ZBTB38: variants seen among roughly 807,000 people sequenced by gnomAD.
ZBTB38 encodes zinc finger and BTB domain-containing protein 38.
In ZBTB38, 20 loss-of-function variants were observed where a neutral mutation model predicts 76.8. That is an observed-to-expected ratio of 0.26 (90% CI 0.18 to 0.38). The LOEUF is 0.38. Ranked by LOEUF, ZBTB38 falls within the 10% of genes least tolerant of loss-of-function variation. ZBTB38 has a pLI of 1.00. For missense variants in ZBTB38, 1,082 were observed against 1,482.3 expected, an observed-to-expected ratio of 0.73 and a Z score of 4.43; for synonymous variants, 504 against 544.2, an observed-to-expected ratio of 0.93 and a Z score of 1.03.
At chr3:141,367,116 A>G (rs890187611), upstream of ZBTB38, 1 of 151,852 alleles carries the variant, frequency 6.6e-6, no homozygotes, top group African/African-American at 2.4e-5. Flanking sequence ...CACAGTTCCA[A>G]CTCTTTCTGA....
intron 5 of ZBTB38, among the ~76,000 whole-genome samples, chr3:141,431,088 C>A (rs1035310268): frequency 4.0e-5 from 6 of 151,676 alleles, no homozygotes; most frequent in Admixed American, 3.9e-4. Flanking sequence ...TTTGGGAGGC[C>A]GAGGCAGGAG....
intron 4 of ZBTB38, chr3:141,392,784 CA>C (rs1328505445): frequency 2.6e-5 from 4 of 152,168 alleles, no homozygotes; most frequent in African/African-American, 9.7e-5. Flanking sequence ...GTGATGTAGG[CA>C]AGATGTTTTT....
chr3:141,327,047 G>A (rs930954113), intron 1 of ZBTB38, among the ~76,000 whole-genome samples: 1 of 152,160 alleles, frequency 6.6e-6, no homozygotes, highest in African/African-American at 2.4e-5. Context: ...GATACATTTA[G>A]AAATATTAAG....
intron 4 of ZBTB38, among the ~76,000 whole-genome samples, chr3:141,390,671 C>T (rs1218948346): frequency 6.6e-6 from 1 of 152,190 alleles, no homozygotes; most frequent in African/African-American, 2.4e-5. Context: ...TTCATTCTAA[C>T]AGCTCCTTTC....
chr3:141,334,286 C>G (rs1942942487), intron 1 of ZBTB38, among the ~76,000 whole-genome samples: 1 of 151,430 alleles, frequency 6.6e-6, no homozygotes, highest in African/African-American at 2.4e-5. Context: ...CAGGGAAATG[C>G]AGGTTCTCTC....
At chr3:141,426,260 T>G in intron 5 of ZBTB38, 1 of 1,149,982 alleles carries the variant, frequency 8.7e-7, no homozygotes, top group South Asian at 1.3e-5. Flanking sequence ...AAAGCACACC[T>G]GCCCAGACCC....
At chr3:141,326,451 A>G (rs1942677545) in intron 1 of ZBTB38, among the ~76,000 whole-genome samples, 1 of 152,176 alleles carries the variant, frequency 6.6e-6, no homozygotes, top group African/African-American at 2.4e-5. Flanking sequence ...ACTGGAGGGA[A>G]CAAAAGCAGG....
At chr3:141,370,324 A>T (rs572667882) in intron 2 of ZBTB38, among the ~76,000 whole-genome samples, 1 of 152,300 alleles carries the variant, frequency 6.6e-6, no homozygotes, top group African/African-American at 2.4e-5. Context: ...TGCACATGGG[A>T]GTTTTTTATG....
chr3:141,416,271 A>G (rs772292964), intron 5 of ZBTB38, among the ~76,000 whole-genome samples: 2 of 152,222 alleles, frequency 1.3e-5, no homozygotes, highest in Non-Finnish European at 2.9e-5. Flanking sequence ...AAGCCTTTTC[A>G]GCCCTTCCAA....
chr3:141,337,366 C>G (rs1344229026), intron 1 of ZBTB38, among the ~76,000 whole-genome samples: 1 of 152,206 alleles, frequency 6.6e-6, no homozygotes, highest in Non-Finnish European at 1.5e-5. Context: ...TAGCAAAGAG[C>G]TGCAAAGGAA....
rs2080839127 is a variant in ZBTB38 at position 141,444,590 on chromosome 3, T to C, written c.2202T>C (p.Ala734=). The change falls in exon 6 of 6, where the codon GCT becomes GCC. Residue 734 remains alanine, a synonymous_variant. Coordinates refer to ENST00000321464, the MANE Select transcript of ZBTB38 (RefSeq NM_001376113.1). The surrounding 1 kb of genome is among the most constrained non-coding windows in gnomAD (Gnocchi z 5.1). Reference sequence around the variant, plus strand: ...TGATCATGCACAGCAATGCCATTGCTGCCATGACCAGCAGCAACCACAGAG... The same window carrying C: ...TGATCATGCACAGCAATGCCATTGCCGCCATGACCAGCAGCAACCACAGAG... The part of the protein sequence containing the change: ...SSVIMHSNAI[A]AMTSSNHRAF... The C allele has an allele frequency of 6.2e-7, 1 of 1,614,050 alleles. No individual in the cohort carries two copies. Among genetic ancestry groups the C allele is most frequent in the African/African-American group, 1.3e-5 (1 of 74,916 alleles).
intron 5 of ZBTB38, chr3:141,432,131 T>C: frequency 1.0e-6 from 1 of 985,478 alleles, no homozygotes. Flanking sequence ...AAAATATCCT[T>C]TGTCGGAAAA....
chr3:141,436,733 A>G (rs1446757861), intron 5 of ZBTB38, among the ~76,000 whole-genome samples: 3 of 152,160 alleles, frequency 2.0e-5, no homozygotes, highest in African/African-American at 7.2e-5. Flanking sequence ...CCTGACCTCA[A>G]GTGATCCACC....
chr3:141,344,727 T>C (rs1943293990), intron 1 of ZBTB38, among the ~76,000 whole-genome samples: 1 of 152,222 alleles, frequency 6.6e-6, no homozygotes, highest in South Asian at 2.1e-4. Flanking sequence ...TTCATAGTCA[T>C]GTCTCTCTCT....
At chr3:141,372,517 T>G (rs1436212890) in intron 2 of ZBTB38, among the ~76,000 whole-genome samples, 1 of 151,644 alleles carries the variant, frequency 6.6e-6, no homozygotes, top group African/African-American at 2.4e-5. Context: ...CCGAGCAGGG[T>G]GGCGCACACC....
chr3:141,398,322 A>G (rs1057496798), intron 4 of ZBTB38, among the ~76,000 whole-genome samples: 1 of 152,130 alleles, frequency 6.6e-6, no homozygotes, highest in Non-Finnish European at 1.5e-5. Context: ...TAAAATGATT[A>G]TTACCTTTTT....
In ZBTB38 at chr3:141,415,248, G is replaced by A. The variant is rs548561683; in HGVS notation, c.-1+11217G>A. Among the ~76,000 whole-genome samples the A allele has an allele frequency of 8.5e-5, 13 of 152,194 alleles. No homozygotes were observed. In the South Asian group the frequency reaches 1.5e-3, roughly 17 times the overall value. Reference sequence around the variant, plus strand: ...TGTCCTGTTTACGTCACCCATTTTCGTTGTAGGAGTTGGGCTTTTATTAGA... The same window carrying A: ...TGTCCTGTTTACGTCACCCATTTTCATTGTAGGAGTTGGGCTTTTATTAGA... On this transcript the variant is annotated intron_variant, in intron 5 of 5. Transcript: ENST00000321464.
At position 141,413,836 on chromosome 3, in the gene ZBTB38, C is replaced by A. The variant is rs2073255113; in HGVS notation, c.-1+9805C>A. 6.6e-6 allele frequency among the ~76,000 whole-genome samples: 1 copy of A among 152,138 alleles called. No homozygotes were observed. The highest frequency in any genetic ancestry group is 1.5e-5 in the Non-Finnish European group (1 of 68,038). Reference sequence around the variant, plus strand: ...CTGGAGCAAAGTGAAGAGTTTGATACCTGCCACTCTGTCTCTGAAGATTTA... The same window carrying A: ...CTGGAGCAAAGTGAAGAGTTTGATAACTGCCACTCTGTCTCTGAAGATTTA... On this transcript the variant is annotated intron_variant, in intron 5 of 5. Transcript: ENST00000321464. The surrounding 1 kb of genome is among the most constrained non-coding windows in gnomAD (Gnocchi z 4.1).
chr3:141,424,778 A>G (rs79197573), intron 5 of ZBTB38, among the ~76,000 whole-genome samples: 3,570 of 152,314 alleles, frequency 0.023, 66 homozygotes, highest in East Asian at 0.058. Flanking sequence ...CTGGACACAC[A>G]GTGAAATAGG....
Sources: gnomAD v4.1 joint callset for allele counts (sites outside exome capture counted in the v4.1 genomes callset) on GRCh38, gnomAD v4.1.1 for gene constraint, Gnocchi (gnomAD v3.1) non-coding constraint, MANE v1.5 for transcripts, NCBI Gene and HGNC (gene_info 2026-07-23, HGNC 2026-07-21) for gene names.